APPL1: variants seen among roughly 807,000 people sequenced by gnomAD.
The protein encoded by APPL1 is DCC-interacting protein 13-alpha.
In APPL1, 42 loss-of-function variants were observed where a neutral mutation model predicts 106.8. That is an observed-to-expected ratio of 0.39 (90% CI 0.31 to 0.51). The LOEUF (loss-of-function observed/expected upper bound fraction) is 0.51. Among genes scored for constraint, APPL1 ranks in the 20% least tolerant of loss-of-function variants. APPL1 has a pLI of 0.75. For synonymous variants in APPL1, 263 were observed against 281.8 expected (o/e 0.93, Z 0.67); for missense variants, 769 against 858.2 (o/e 0.90, Z 1.30).
In APPL1 at chr3:57,248,332, G is replaced by A; in HGVS notation, c.844G>A (p.Gly282Arg). Residue 282 changes from glycine (G) to arginine (R), a missense_variant, in exon 10 of 22, where the codon GGA (glycine) becomes AGA (arginine). By Grantham distance (125) the Gly-to-Arg change is moderately radical (BLOSUM62 -2). Transcript: ENST00000288266. ...PVNRNLTRKA[G>R]YLNARNKTGL... ...TAATCGAAATTTAACCCGAAAGGCT[G>A]GATACCTTAATGCTAGGAAGTAAGA... is the stretch of plus-strand genomic sequence containing the variant. 6.2e-7 allele frequency: 1 copy of A among 1,614,018 alleles called. No homozygotes were observed. Among genetic ancestry groups the A allele is most frequent in the Non-Finnish European group, 8.5e-7 (1 of 1,179,984 alleles).
rs536920403 is a variant in APPL1 at position 57,238,065 on chromosome 3, T to C, written c.234T>C (p.Asp78=). ...YEKQRFPLGG[D]DEVMSSTLQQ... ...TTCAGCGTTTTCCATTGGGAGGTGA[T>C]GATGAAGTTATGAGCTCTACATTGC... Residue 78 remains aspartate (D), a synonymous_variant, in exon 4 of 22, where the codon GAT becomes GAC. Coordinates refer to ENST00000288266, the MANE Select transcript of APPL1 (RefSeq NM_012096.3). 2 of 1,611,926 alleles carry C rather than the reference T, an allele frequency of 1.2e-6. No individual in the cohort carries two copies. The highest frequency in any genetic ancestry group is 2.7e-5 in the African/African-American group (2 of 74,996).
intron 3 of APPL1, 103 bp from the exon 4 acceptor site, chr3:57,237,942 T>C: frequency 1.2e-6 from 1 of 840,284 alleles, no homozygotes. Context: ...TTTTTCAAAA[T>C]TTTGGAAGTT....
intron 16 of APPL1, 79 bp downstream of exon 16, chr3:57,259,159 T>A: frequency 8.0e-7 from 1 of 1,244,878 alleles, no homozygotes. Context: ...TTATATTTGC[T>A]CTGCTACTAA....
At chr3:57,261,619 C>T (rs748543180) in intron 19 of APPL1, among the ~76,000 whole-genome samples, 7 of 152,012 alleles carry the variant, frequency 4.6e-5, no homozygotes, top group Admixed American at 2.0e-4. Flanking sequence ...CCTGGGTTCA[C>T]GCCATTCTCC....
intron 1 of APPL1, among the ~76,000 whole-genome samples, chr3:57,233,909 C>T (rs563480429): frequency 6.6e-6 from 1 of 152,090 alleles, no homozygotes; most frequent in Admixed American, 6.6e-5. Context: ...TAGTGAGACC[C>T]TGTCACTACA....
At chr3:57,229,809 G>A (rs2060676949) in intron 1 of APPL1, among the ~76,000 whole-genome samples, 1 of 150,480 alleles carries the variant, frequency 6.6e-6, no homozygotes, top group South Asian at 2.1e-4. Flanking sequence ...TGCCTCCCGG[G>A]TTCAAGTGAT....
At chr3:57,263,424 C>G (rs2060878245) in intron 19 of APPL1, among the ~76,000 whole-genome samples, 1 of 150,420 alleles carries the variant, frequency 6.6e-6, no homozygotes, top group Admixed American at 6.6e-5. Flanking sequence ...CCTTCTCAGC[C>G]TCTGGTAACC....
chr3:57,261,338 TTTTC>T (rs2060864216), intron 19 of APPL1, among the ~76,000 whole-genome samples: 1 of 152,228 alleles, frequency 6.6e-6, no homozygotes. Context: ...ATGTACCACA[TTTTC>T]TTTATTCATT....
chr3:57,253,772 C>A, intron 13 of APPL1, 34 bp downstream of exon 13: 2 of 1,345,092 alleles, frequency 1.5e-6, no homozygotes, highest in Non-Finnish European at 1.9e-6. Context: ...CCAGATCTAG[C>A]AAAATTGAGT....
At chr3:57,230,429 C>T (rs1222360277) in intron 1 of APPL1, among the ~76,000 whole-genome samples, 1 of 151,776 alleles carries the variant, frequency 6.6e-6, no homozygotes, top group East Asian at 1.9e-4. Flanking sequence ...AGTTTGCTTT[C>T]TTTATTCTAC....
chr3:57,237,512 A>G lies in APPL1; in HGVS notation c.174A>G (p.Thr58=). ...CATAGAATGAATTAAGTGCAGCAAC[A>G]CACCTGACCTCAAAACTTTTAAAAG... ...YDAQNELSAA[T]HLTSKLLKEY... The change falls in exon 3 of 22, where the codon ACA becomes ACG. Residue 58 remains threonine (T), a synonymous_variant. Coordinates refer to ENST00000288266, the MANE Select transcript of APPL1 (RefSeq NM_012096.3). 6.2e-7 allele frequency: 1 copy of G among 1,603,658 alleles called. No individual in the cohort carries two copies. The highest frequency in any genetic ancestry group is 8.5e-7 in the Non-Finnish European group (1 of 1,175,422).
At chr3:57,233,434 A>G (rs2060699314) in intron 1 of APPL1, among the ~76,000 whole-genome samples, 2 of 152,102 alleles carry the variant, frequency 1.3e-5, no homozygotes, top group Non-Finnish European at 1.5e-5. Context: ...TAATTATGCT[A>G]CAAGTTTTTA....
rs1468456902 is a variant in APPL1 at position 57,240,530 on chromosome 3, G to C, written c.351G>C (p.Gln117His). The change falls in exon 5 of 22, where the codon CAG (glutamine) becomes CAC (histidine). Residue 117 changes from glutamine (Q) to histidine (H), a missense_variant. Physicochemically the swap from Gln to His is conservative, Grantham distance 24. Coordinates refer to ENST00000288266, the MANE Select transcript of APPL1 (RefSeq NM_012096.3). Reference protein sequence around the residue: ...LADAMMFPITQFKERDLKEIL... With the variant: ...LADAMMFPITHFKERDLKEIL... ...ATGCCATGATGTTCCCCATTACCCA[G>C]TTTAAAGAAAGAGATCTGAAAGGTA... The C allele has an allele frequency of 6.8e-6, 11 of 1,613,524 alleles. No individual in the cohort carries two copies. In the East Asian group the frequency reaches 2.0e-4, roughly 29 times the overall value.
At chr3:57,253,608 G>C in intron 12 of APPL1, 74 bp from the exon 13 acceptor site, 1 of 1,144,880 alleles carries the variant, frequency 8.7e-7, no homozygotes, top group South Asian at 1.7e-5. Flanking sequence ...TTGCAGTTGA[G>C]TATTGAACAT....
rs1275357222 is a variant in APPL1, at chr3:57,248,731, A to G, written c.863+380A>G. ...CTAAAAATACAAAAATTAGCTGAGC[A>G]TGGTGGCTTACACCTGTAATCCCAG... On this transcript the variant is annotated intron_variant, in intron 10 of 21. Coordinates refer to ENST00000288266, the MANE Select transcript of APPL1 (RefSeq NM_012096.3). 2.0e-5 allele frequency among the ~76,000 whole-genome samples: 3 copies of G among 152,138 alleles called. No individual in the cohort carries two copies. The East Asian group carries it at 5.8e-4, about 29-fold the overall frequency.
intron 11 of APPL1, among the ~76,000 whole-genome samples, chr3:57,251,020 G>T (rs998394202): frequency 1.4e-5 from 2 of 146,892 alleles, no homozygotes; most frequent in Admixed American, 6.7e-5. Context: ...TGTTAGCCAG[G>T]ATGGTCTCGA....
In APPL1 at chr3:57,248,238, A is replaced by G. The variant is rs184540761; in HGVS notation, c.750A>G (p.Thr250=). 16 of 1,614,168 alleles carry G rather than the reference A, an allele frequency of 9.9e-6. No individual in the cohort carries two copies. The Admixed American group carries it at 2.5e-4, about 25-fold the overall frequency. The part of the protein sequence containing the change: ...MDSDIETMQQ[T]IEDLEVASDP... ...GTGATATAGAGACCATGCAACAGACAATAGAGGATTTGGAAGTAGCCAGTG... is the reference window on the plus strand; with the variant it reads ...GTGATATAGAGACCATGCAACAGACGATAGAGGATTTGGAAGTAGCCAGTG... The change falls in exon 10 of 22, where the codon ACA becomes ACG. Residue 250 remains threonine, a synonymous_variant. Coordinates refer to ENST00000288266, the MANE Select transcript of APPL1 (RefSeq NM_012096.3).
chr3:57,231,262 C>T (rs898076233), intron 1 of APPL1, among the ~76,000 whole-genome samples: 9 of 147,928 alleles, frequency 6.1e-5, no homozygotes, highest in African/African-American at 2.0e-4. Context: ...TCACTTGAAC[C>T]CGGGAGGCGG....
In APPL1 at chr3:57,267,927, A is replaced by G. The variant is rs113485268; in HGVS notation, c.1893+135A>G. On this transcript the variant is annotated intron_variant, in intron 20 of 21. Transcript: ENST00000288266. The stretch of plus-strand genomic sequence containing the variant: ...GCCAACATGGTGAAACCCCATTTCT[A>G]CTAAAAATACAAAAATTAGTTGGGT... The G allele has an allele frequency of 2.0e-3, 1,729 of 870,476 alleles. 19 individuals are homozygous for G. The African/African-American group carries it at 0.023, about 12-fold the overall frequency. 53.9% of individuals were successfully genotyped at this position (870,476 alleles called of 1,614,324 possible). A position where few individuals can be genotyped will look rare whatever the true frequency, so the allele number is the denominator to read the frequency against.
Sources: gnomAD v4.1 joint callset for allele counts (sites outside exome capture counted in the v4.1 genomes callset) on GRCh38, gnomAD v4.1.1 for gene constraint, MANE v1.5 for transcripts, NCBI Gene and HGNC (gene_info 2026-07-23, HGNC 2026-07-21) for gene names.